The following CTNNA3 variants were observed in gnomAD, a reference collection of about 807,000 sequenced individuals.
The protein encoded by CTNNA3 is catenin alpha-3.
In CTNNA3, 76 loss-of-function variants were observed where a neutral mutation model predicts 95.7. That is an observed-to-expected ratio of 0.79 (90% CI 0.66 to 0.96). The LOEUF (loss-of-function observed/expected upper bound fraction) is 0.96, where lower values mean the gene tolerates loss of function less well. Ranked by LOEUF, CTNNA3 falls within the 40% of genes least tolerant of loss-of-function variation. The pLI, the probability that CTNNA3 is intolerant of heterozygous loss-of-function variation, is 0.00. For missense variants in CTNNA3, 1,191 were observed against 1,089.8 expected (o/e 1.09, Z -1.31); for synonymous variants, 431 against 374.4 (o/e 1.15, Z -1.74).
At chr10:66,412,456 ATTTTTTTTT>A (rs750175517) in intron 11 of CTNNA3, among the ~76,000 whole-genome samples, 1 of 126,196 alleles carries the variant, frequency 7.9e-6, no homozygotes. Flanking sequence ...GCCAAATACT[ATTTTTTTTT>A]TTTTTTTTTT....
chr10:67,443,489 T>C (rs1846612849), intron 5 of CTNNA3, among the ~76,000 whole-genome samples: 2 of 152,050 alleles, frequency 1.3e-5, no homozygotes, highest in African/African-American at 4.8e-5. Context: ...ATTGCCGTTC[T>C]AACTGGTGTG....
intron 13 of CTNNA3, among the ~76,000 whole-genome samples, chr10:66,176,216 T>C (rs1025769513): frequency 2.0e-5 from 3 of 152,062 alleles, no homozygotes; most frequent in African/African-American, 7.2e-5. Context: ...AATTATACAA[T>C]TAAATGAAGA....
intron 9 of CTNNA3, among the ~76,000 whole-genome samples, chr10:66,732,470 T>A (rs1259518360): frequency 6.6e-6 from 1 of 151,964 alleles, no homozygotes; most frequent in Non-Finnish European, 1.5e-5. Context: ...AGAAAAGAGG[T>A]TTAATCGACT....
chr10:67,158,591 A>G lies in CTNNA3; in HGVS notation c.1047+21726T>C, dbSNP rs181487440. On this transcript the variant is annotated intron_variant, in intron 7 of 17. Coordinates refer to ENST00000433211, the MANE Select transcript of CTNNA3 (RefSeq NM_013266.4). ...TAAAGACATAGTTAAAAATATGACA[A>G]AACTGACACATGTGCCCGCATAAGT... Among the ~76,000 whole-genome samples the G allele has an allele frequency of 1.1e-4, 17 of 152,342 alleles. No homozygotes were observed. In the East Asian group the frequency reaches 3.3e-3, roughly 29 times the overall value.
intron 9 of CTNNA3, among the ~76,000 whole-genome samples, chr10:66,678,399 G>C (rs1279017200): frequency 6.6e-6 from 1 of 152,090 alleles, no homozygotes; most frequent in Non-Finnish European, 1.5e-5. Context: ...CTTACAAATA[G>C]AAGAGGATAA....
chr10:66,069,602 C>T (rs1351511430), intron 14 of CTNNA3, 113 bp from the exon 15 acceptor site: 8 of 721,080 alleles, frequency 1.1e-5, no homozygotes, highest in African/African-American at 1.8e-5. Context: ...ATCAGAGGCA[C>T]AATATAGTTA....
chr10:67,375,506 G>A (rs187476021), intron 5 of CTNNA3, among the ~76,000 whole-genome samples: 102 of 152,110 alleles, frequency 6.7e-4, no homozygotes, highest in Admixed American at 4.2e-3. Flanking sequence ...CCAGCTACTC[G>A]GGAAGCTGAG....
intron 5 of CTNNA3, among the ~76,000 whole-genome samples, chr10:67,293,187 T>C (rs1398121055): frequency 6.6e-6 from 1 of 152,140 alleles, no homozygotes; most frequent in African/African-American, 2.4e-5. Context: ...TTTTTATAAG[T>C]AGATTAGACT....
In CTNNA3 at chr10:67,181,755, G is replaced by A. The variant is rs58674819; in HGVS notation, c.844-1235C>T. On this transcript the variant is annotated intron_variant, in intron 6 of 17. Coordinates refer to ENST00000433211, the MANE Select transcript of CTNNA3 (RefSeq NM_013266.4). ...AATATTTGGGGATTGAAAGTAGCCA[G>A]GATACAATTTTAAAAGCCACAACTG... is the stretch of plus-strand genomic sequence containing the variant. 1.1e-3 allele frequency among the ~76,000 whole-genome samples: 173 copies of A among 152,012 alleles called. 2 individuals are homozygous for A. Among genetic ancestry groups the A allele is most frequent in the African/African-American group, 4.0e-3 (166 of 41,488 alleles).
intron 10 of CTNNA3, among the ~76,000 whole-genome samples, chr10:66,592,086 T>C (rs994893571): frequency 7.5e-6 from 1 of 132,874 alleles, no homozygotes; most frequent in African/African-American, 3.3e-5. Context: ...TTCTGAATCA[T>C]TATTCTAGCT....
At chr10:66,102,369 C>G (rs539663206) in intron 14 of CTNNA3, among the ~76,000 whole-genome samples, 9 of 152,122 alleles carry the variant, frequency 5.9e-5, no homozygotes, top group Non-Finnish European at 1.2e-4. Context: ...TTAATTCCCA[C>G]AGTAATCCTC....
intron 13 of CTNNA3, among the ~76,000 whole-genome samples, chr10:66,199,805 A>ATATATTTTTT (rs1564756586): frequency 7.0e-5 from 1 of 14,284 alleles, no homozygotes; most frequent in Non-Finnish European, 1.1e-4. Flanking sequence ...ATATATATAT[A>ATATATTTTTT]TTTTTTTTTT....
intron 7 of CTNNA3, among the ~76,000 whole-genome samples, chr10:66,970,671 T>C (rs1218547453): frequency 6.6e-6 from 1 of 152,150 alleles, no homozygotes; most frequent in Non-Finnish European, 1.5e-5. Flanking sequence ...TGCATCTACA[T>C]AATGACACTA....
At chr10:66,004,893 T>C (rs1433988405) in intron 15 of CTNNA3, among the ~76,000 whole-genome samples, 1 of 152,240 alleles carries the variant, frequency 6.6e-6, no homozygotes, top group East Asian at 1.9e-4. Flanking sequence ...CTGTAACAAA[T>C]ATTAACCAAT....
chr10:67,000,759 A>G (rs1851635216), intron 7 of CTNNA3, among the ~76,000 whole-genome samples: 5 of 152,162 alleles, frequency 3.3e-5, no homozygotes, highest in Admixed American at 3.3e-4. Flanking sequence ...ACACCTGACA[A>G]TTACAATAAA....
At chr10:66,035,833 G>A (rs546360202) in intron 15 of CTNNA3, among the ~76,000 whole-genome samples, 1 of 151,810 alleles carries the variant, frequency 6.6e-6, no homozygotes, top group East Asian at 1.9e-4. Context: ...ATGAAAGATG[G>A]GCTTATTGTG....
chr10:66,178,399 GTATATATATA>G (rs71035113), intron 13 of CTNNA3, among the ~76,000 whole-genome samples: 7,824 of 90,734 alleles, frequency 0.086, 336 homozygotes, highest in Middle Eastern at 0.15. Flanking sequence ...CCTTGAAAGT[GTATATATATA>G]TATATATATA....
intron 9 of CTNNA3, among the ~76,000 whole-genome samples, chr10:66,727,142 G>T (rs12781925): frequency 0.027 from 4,179 of 152,072 alleles, 162 homozygotes; most frequent in East Asian, 0.2. Context: ...AAATTGTTTA[G>T]GCAAAGGCTA....
intron 10 of CTNNA3, among the ~76,000 whole-genome samples, chr10:66,605,892 A>G (rs1460550038): frequency 6.6e-6 from 1 of 152,182 alleles, no homozygotes; most frequent in African/African-American, 2.4e-5. Context: ...AAGCAACCAC[A>G]CAAACAAGTT....
Sources: allele counts gnomAD v4.1 joint callset (sites outside exome capture counted in the v4.1 genomes callset), GRCh38; gene constraint gnomAD v4.1.1; transcripts MANE v1.5; gene names NCBI Gene and HGNC (gene_info 2026-07-23, HGNC 2026-07-21).